Variants in PDE4C observed in about 807,000 individuals in gnomAD.
PDE4C encodes 3',5'-cyclic-AMP phosphodiesterase 4C.
Under a neutral mutation model 63.9 loss-of-function variants are expected in PDE4C, and 50 were observed. That is an observed-to-expected ratio of 0.78 (90% CI 0.62 to 0.99). The LOEUF (loss-of-function observed/expected upper bound fraction) is 0.99. PDE4C is among the 50% of genes least tolerant of loss of function. PDE4C has a pLI of 0.00. For missense variants in PDE4C, 777 were observed against 899.1 expected, an observed-to-expected ratio of 0.86 and a Z score of 1.74; for synonymous variants, 377 against 385.1, an observed-to-expected ratio of 0.98 and a Z score of 0.25.
At chr19:18,227,199 C>G (rs552480674), upstream of PDE4C, among the ~76,000 whole-genome samples, 22 of 152,266 alleles carry the variant, frequency 1.4e-4, no homozygotes, top group East Asian at 4.2e-3. Flanking sequence ...AAACAGCGCA[C>G]CAGAAACTAC....
Position 18,239,745 on chromosome 19 carries a change from G to A in PDE4C, c.-209-6345C>T, listed in dbSNP as rs554784802. 2.0e-5 allele frequency among the ~76,000 whole-genome samples: 3 copies of A among 152,200 alleles called. No individual in the cohort carries two copies. The South Asian group carries it at 6.2e-4, about 32-fold the overall frequency. Reference sequence around the variant, plus strand: ...ACTGAGCATTAAAACTGGGAAACTGGCCAGGCGCGGTGGCTCACGCCTGTA... The same window carrying A: ...ACTGAGCATTAAAACTGGGAAACTGACCAGGCGCGGTGGCTCACGCCTGTA... On this transcript the variant is annotated intron_variant, in intron 1 of 15. Transcript: ENST00000594617.
chr19:18,242,407 C>T (rs903690668), intron 1 of PDE4C, among the ~76,000 whole-genome samples: 3 of 128,144 alleles, frequency 2.3e-5, no homozygotes, highest in South Asian at 2.7e-4. Flanking sequence ...GCCCGAGAGG[C>T]GGAGGCTGCA....
exon 1 of PDE4C, chr19:18,232,983 G>C: frequency 6.7e-7 from 1 of 1,496,308 alleles, no homozygotes; most frequent in East Asian, 2.5e-5. Context: ...GGAGAGCCGC[G>C]ACTTCCTGAG....
chr19:18,248,393 G>A (rs1383791132), upstream of PDE4C, among the ~76,000 whole-genome samples: 3 of 144,358 alleles, frequency 2.1e-5, no homozygotes, highest in Non-Finnish European at 4.6e-5. Flanking sequence ...CTGAGGGGAC[G>A]AGAGAGTGGC....
chr19:18,249,817 C>G, upstream of PDE4C: 1 of 261,056 alleles, frequency 3.8e-6, no homozygotes, highest in Non-Finnish European at 7.2e-6. Flanking sequence ...AGGAGATCTG[C>G]CCGCCTTGGC....
At chr19:18,224,026 T>C (rs1157123613) in intron 1 of PDE4C, among the ~76,000 whole-genome samples, 3 of 152,176 alleles carry the variant, frequency 2.0e-5, no homozygotes, top group Non-Finnish European at 4.4e-5. Flanking sequence ...CTCCACTTCA[T>C]CTTCAGCCTG....
chr19:18,213,471 G>C, exon 13 of PDE4C: 1 of 1,612,894 alleles, frequency 6.2e-7, no homozygotes, highest in Non-Finnish European at 8.5e-7. Flanking sequence ...CATGTGTTTG[G>C]ACATGTCTGT....
At chr19:18,212,059 G>T in intron 13 of PDE4C, 118 bp from the exon 14 acceptor site, 1 of 969,680 alleles carries the variant, frequency 1.0e-6, no homozygotes, top group Non-Finnish European at 1.6e-6. Context: ...GGAAACTGAG[G>T]CCTGAGACCT....
upstream of PDE4C, among the ~76,000 whole-genome samples, chr19:18,226,947 C>G (rs1968751669): frequency 6.6e-6 from 1 of 152,102 alleles, no homozygotes; most frequent in Non-Finnish European, 1.5e-5. Context: ...GATCTCAGAG[C>G]CTGGATCTTA....
At chr19:18,224,400 A>T (rs777396716) in intron 1 of PDE4C, 21 of 985,496 alleles carry the variant, frequency 2.1e-5, no homozygotes, top group Non-Finnish European at 2.5e-5. Context: ...CTGGGTCGGC[A>T]CCCCGCGTAG....
upstream of PDE4C, among the ~76,000 whole-genome samples, chr19:18,229,301 C>T (rs935033272): frequency 6.6e-6 from 1 of 151,640 alleles, no homozygotes; most frequent in African/African-American, 2.4e-5. Flanking sequence ...AGTGCAGTGG[C>T]GCAATCTTGG....
At chr19:18,219,469 T>G (rs1600075833) in intron 7 of PDE4C, 72 bp from the exon 8 acceptor site, 1 of 1,489,702 alleles carries the variant, frequency 6.7e-7, no homozygotes, top group South Asian at 1.3e-5. Flanking sequence ...GGACCTGAAT[T>G]TTGCCAAACC....
At chr19:18,235,007 TA>T (rs1233192449), upstream of PDE4C, among the ~76,000 whole-genome samples, 1 of 152,206 alleles carries the variant, frequency 6.6e-6, no homozygotes, top group Non-Finnish European at 1.5e-5. Flanking sequence ...AGTCTTTTTT[TA>T]AAATATTCTG....
In PDE4C at chr19:18,222,092, G is replaced by T. The variant is rs984140698; in HGVS notation, c.338+40C>A. 3.3e-6 allele frequency: 5 copies of T among 1,530,734 alleles called. No individual in the cohort carries two copies. The East Asian group carries it at 1.1e-4, about 35-fold the overall frequency. 94.8% of individuals were successfully genotyped at this position (1,530,734 alleles called of 1,614,324 possible). ...TGAATAGAGGAACAAAGGAAGGAGGGAGGGTAGAGGCGGTGTCATCCCACC... is the reference window on the plus strand; with the variant it reads ...TGAATAGAGGAACAAAGGAAGGAGGTAGGGTAGAGGCGGTGTCATCCCACC... On this transcript the variant is annotated intron_variant, in intron 2 of 14. Coordinates refer to ENST00000262805, the Ensembl canonical transcript of PDE4C.
At chr19:18,219,999 T>A (rs1968386172) in intron 7 of PDE4C, among the ~76,000 whole-genome samples, 1 of 151,926 alleles carries the variant, frequency 6.6e-6, no homozygotes. Flanking sequence ...GTTCCCTCCA[T>A]CTCCTCCTAG....
chr19:18,232,698 GCACA>G (rs77152816), intron 1 of PDE4C, among the ~76,000 whole-genome samples: 42,259 of 150,674 alleles, frequency 0.28, 5,963 homozygotes, highest in Middle Eastern at 0.33. Flanking sequence ...GCGCGCGCGC[GCACA>G]CACACACACA....
At chr19:18,221,052 G>GCCAGGCCCCCCCCCCCCCCCCCCCC in intron 4 of PDE4C, 53 bp downstream of exon 4, 32 of 1,245,296 alleles carry the variant, frequency 2.6e-5, no homozygotes, top group Middle Eastern at 2.7e-4. Flanking sequence ...CCCGCTTTCC[G>GCCAGGCCCCCCCCCCCCCCCCCCCC]CCCACCTTGT....
upstream of PDE4C, among the ~76,000 whole-genome samples, chr19:18,234,651 T>C (rs530739766): frequency 1.3e-5 from 2 of 152,232 alleles, no homozygotes; most frequent in East Asian, 3.9e-4. Flanking sequence ...AGGGTGCCTC[T>C]TGCTGCATCA....
At chr19:18,242,389 T>C (rs891791963) in intron 1 of PDE4C, among the ~76,000 whole-genome samples, 1 of 150,142 alleles carries the variant, frequency 6.7e-6, no homozygotes, top group Non-Finnish European at 1.5e-5. Context: ...GGGAAGATAA[T>C]TGTTTATGCC....
Sources: gnomAD v4.1 joint callset for allele counts (sites outside exome capture counted in the v4.1 genomes callset) on GRCh38, gnomAD v4.1.1 for gene constraint, MANE v1.5 for transcripts, NCBI Gene and HGNC (gene_info 2026-07-23, HGNC 2026-07-21) for gene names.